ZSCAN18: variants seen among roughly 807,000 people sequenced by gnomAD.
The protein encoded by ZSCAN18 is zinc finger and SCAN domain containing 18.
In ZSCAN18, 16 loss-of-function variants were observed where a neutral mutation model predicts 31.1. That is an observed-to-expected ratio of 0.51 (90% CI 0.35 to 0.78). The LOEUF (loss-of-function observed/expected upper bound fraction) is 0.78. Ranked by LOEUF, ZSCAN18 falls within the 30% of genes least tolerant of loss-of-function variation. The pLI, the probability that ZSCAN18 is intolerant of heterozygous loss-of-function variation, is 0.01. For synonymous variants in ZSCAN18, 375 were observed against 320.7 expected (o/e 1.17, Z -1.81); for missense variants, 731 against 697.4 (o/e 1.05, Z -0.54).
Position 58,085,066 on chromosome 19 carries a change from G to T in ZSCAN18, c.1152C>A (p.Gly384=), listed in dbSNP as rs139928653. 8.1e-6 allele frequency: 13 copies of T among 1,600,898 alleles called. No individual in the cohort carries two copies. In the East Asian group the frequency reaches 2.2e-4, roughly 28 times the overall value. The stretch of plus-strand genomic sequence containing the variant: ...CTGCGCTGTCGCCGGAGCTAGAGAC[G>T]CCCTCGAGGCTCTGCCCGTCCCCAT... ...PEDGDGQSLE[G]VSSSGDSAGL... Residue 384 remains glycine, a synonymous_variant, in exon 7 of 7, where the codon GGC becomes GGA. Transcript: ENST00000601144.
intron 1 of ZSCAN18, among the ~76,000 whole-genome samples, chr19:58,094,456 C>A (rs1177379396): frequency 6.6e-6 from 1 of 151,630 alleles, no homozygotes. Context: ...CCTCCAGGAA[C>A]AGAGAATAGC....
At chr19:58,095,494 G>A (rs900603191) in intron 1 of ZSCAN18, among the ~76,000 whole-genome samples, 26 of 152,122 alleles carry the variant, frequency 1.7e-4, no homozygotes, top group African/African-American at 6.3e-4. Flanking sequence ...CCCTTTAAGA[G>A]GCCTCCTGCC....
intron 1 of ZSCAN18, among the ~76,000 whole-genome samples, chr19:58,113,078 G>A (rs2074699804): frequency 6.6e-6 from 1 of 151,796 alleles, no homozygotes; most frequent in Admixed American, 6.6e-5. Flanking sequence ...CACTTTGGGA[G>A]GCCGAGGCAG....
At position 58,090,228 on chromosome 19, in the gene ZSCAN18, A is replaced by G. The variant is rs749489689; in HGVS notation, c.40T>C (p.Ser14Pro). The change falls in exon 2 of 7, where the codon TCC (serine) becomes CCC (proline). Residue 14 changes from serine (S) to proline (P), a missense_variant. This residue lies in a region of ZSCAN18 where 86 missense variants were observed against 119.1 expected (regional missense o/e 0.72). Transcript: ENST00000601144. This position sits in a 1 kb window ranked among gnomAD's most constrained non-coding sequence, Gnocchi z 4.7. ...GTGGGCAGATCCGGCGGGGCTGGGG[A>G]GCTCCTGGGGGAGGCAAACGCCTTC... is the stretch of plus-strand genomic sequence containing the variant. ...LEKAFASPRS[S>P]PAPPDLPTPG... 6 of 1,613,288 alleles carry G rather than the reference A, an allele frequency of 3.7e-6. 1 individual carries two copies. The South Asian group carries it at 5.5e-5, about 15-fold the overall frequency.
intron 6 of ZSCAN18, 29 bp downstream of exon 6, chr19:58,086,145 G>A: frequency 6.2e-7 from 1 of 1,608,662 alleles, no homozygotes; most frequent in Non-Finnish European, 8.5e-7. Context: ...ACCCCACCCG[G>A]CCCTAACACC....
chr19:58,089,735 G>A (rs1399480194), intron 2 of ZSCAN18, 130 bp downstream of exon 2: 6 of 1,169,718 alleles, frequency 5.1e-6, no homozygotes, highest in Non-Finnish European at 7.1e-6. Context: ...GTCCTGGCCC[G>A]AGGACCAAGG....
intron 1 of ZSCAN18, among the ~76,000 whole-genome samples, chr19:58,107,102 A>C (rs1158908369): frequency 1.3e-5 from 2 of 152,062 alleles, no homozygotes; most frequent in Admixed American, 1.3e-4. Context: ...GAAAGTCAAA[A>C]TTACTCCTGA....
intron 1 of ZSCAN18, among the ~76,000 whole-genome samples, chr19:58,104,256 G>A (rs1045428475): frequency 1.3e-5 from 2 of 152,192 alleles, no homozygotes; most frequent in African/African-American, 4.8e-5. Context: ...GCGTGCGCCT[G>A]TAGTCCCAGC....
intron 1 of ZSCAN18, chr19:58,109,192 G>A: frequency 8.1e-7 from 1 of 1,231,496 alleles, no homozygotes; most frequent in Non-Finnish European, 1.0e-6. Context: ...CTCTCCTAAT[G>A]CAGATAAAAC....
intron 1 of ZSCAN18, chr19:58,108,579 G>A (rs953753934): frequency 2.0e-6 from 2 of 985,676 alleles, no homozygotes; most frequent in Admixed American, 6.2e-5. Flanking sequence ...ATTTTCCACA[G>A]TCATTACAGG....
chr19:58,092,835 A>T (rs1054236105), intron 1 of ZSCAN18: 69 of 477,050 alleles, frequency 1.4e-4, no homozygotes, highest in Non-Finnish European at 1.6e-4. Context: ...GTGCAGTAGC[A>T]TGATCATAGC....
intron 1 of ZSCAN18, among the ~76,000 whole-genome samples, chr19:58,094,129 T>C (rs575679578): frequency 2.4e-4 from 37 of 151,862 alleles, no homozygotes; most frequent in Non-Finnish European, 1.9e-4. Context: ...TTCTTTCCCT[T>C]GGGATTAGAA....
At position 58,084,619 on chromosome 19, in the gene ZSCAN18, C is replaced by G; in HGVS notation, c.*66G>C. On this transcript the variant is annotated 3_prime_UTR_variant, in exon 7 of 7. Transcript: ENST00000601144. This position sits in a 1 kb window ranked among gnomAD's most constrained non-coding sequence, Gnocchi z 4.5. ...GCCGCCACCCAGGGGCGTGGAAAGG[C>G]CCAATGCCTCGTCTGGGATTCACGG... 2 of 1,395,514 alleles carry G rather than the reference C, an allele frequency of 1.4e-6. No individual in the cohort carries two copies. Among genetic ancestry groups the G allele is most frequent in the Non-Finnish European group, 1.9e-6 (2 of 1,066,994 alleles). 86.4% of individuals were successfully genotyped at this position (1,395,514 alleles called of 1,614,324 possible).
upstream of ZSCAN18, among the ~76,000 whole-genome samples, chr19:58,098,622 G>C (rs1053322376): frequency 1.1e-4 from 17 of 152,202 alleles, no homozygotes; most frequent in African/African-American, 3.1e-4. Context: ...GTCGGACACG[G>C]AAAGGGAGAG....
chr19:58,098,205 C>G lies in ZSCAN18; in HGVS notation c.-151G>C. The stretch of plus-strand genomic sequence containing the variant: ...CGCAGCTACCCCAGGCCGGTCCCAG[C>G]CGCCCGGAGCCCCAGTGCGCGATGG... On this transcript the variant is annotated 5_prime_UTR_variant, in exon 1 of 7. Transcript: ENST00000601144. 2 of 985,512 alleles carry G rather than the reference C, an allele frequency of 2.0e-6. No individual in the cohort carries two copies. Among genetic ancestry groups the G allele is most frequent in the Middle Eastern group, 1.0e-3 (2 of 1,914 alleles). The allele number at this position is 985,512 out of a possible 1,614,324, so 61.0% of individuals were successfully genotyped here. A position where few individuals can be genotyped will look rare whatever the true frequency, so the allele number is the denominator to read the frequency against.
intron 6 of ZSCAN18, 66 bp from the exon 7 acceptor site, chr19:58,085,445 G>T: frequency 7.2e-7 from 1 of 1,393,084 alleles, no homozygotes; most frequent in Non-Finnish European, 9.5e-7. Flanking sequence ...GGACCCAGCC[G>T]AGCCTCAGCT....
intron 1 of ZSCAN18, among the ~76,000 whole-genome samples, chr19:58,105,215 A>G (rs1365162800): frequency 1.3e-5 from 2 of 152,192 alleles, no homozygotes; most frequent in Non-Finnish European, 2.9e-5. Flanking sequence ...TCCTCCTGAG[A>G]AAAAAAGATT....
Position 58,108,164 on chromosome 19 carries a change from C to A in ZSCAN18, c.130+10103G>T, listed in dbSNP as rs1306023964. On this transcript the variant is annotated intron_variant, in intron 1 of 1. Transcript: ENST00000595721. ...TGTGGTTGGAGAATTTTTCACACTCCATACACATATAGGGTCTCTTTCCAA... is the reference window on the plus strand; with the variant it reads ...TGTGGTTGGAGAATTTTTCACACTCAATACACATATAGGGTCTCTTTCCAA... The A allele has an allele frequency of 3.0e-6, 3 of 986,452 alleles. No homozygotes were observed. The African/African-American group carries it at 5.2e-5, about 17-fold the overall frequency. The allele number at this position is 986,452 out of a possible 1,614,324, so 61.1% of individuals were successfully genotyped here. A position where few individuals can be genotyped will look rare whatever the true frequency, so the allele number is the denominator to read the frequency against.
intron 1 of ZSCAN18, chr19:58,109,028 G>C (rs2074657898): frequency 1.6e-6 from 2 of 1,217,474 alleles, no homozygotes; most frequent in Non-Finnish European, 2.0e-6. Flanking sequence ...GGACCTCTTT[G>C]ACATGAAGCT....
Sources: gnomAD v4.1 joint callset for allele counts (sites outside exome capture counted in the v4.1 genomes callset) on GRCh38, gnomAD v4.1.1 for gene constraint, gnomAD v4.1.1 regional missense constraint, Gnocchi (gnomAD v3.1) non-coding constraint, MANE v1.5 for transcripts, NCBI Gene and HGNC (gene_info 2026-07-23, HGNC 2026-07-21) for gene names.